ARHGEF28: variants seen among roughly 807,000 people sequenced by gnomAD.
The protein encoded by ARHGEF28 is 190 kDa guanine nucleotide exchange factor.
Under a neutral mutation model 206.6 loss-of-function variants are expected in ARHGEF28, and 152 were observed. The ratio of observed to expected loss-of-function variants is 0.74; its 90% CI spans 0.64 to 0.84. The LOEUF is 0.84. Ranked by LOEUF, ARHGEF28 falls within the 40% of genes least tolerant of loss-of-function variation. The pLI is 0.00. For synonymous variants in ARHGEF28, 763 were observed against 776.4 expected (o/e 0.98, Z 0.29); for missense variants, 2,028 against 2,073.2 (o/e 0.98, Z 0.42).
chr5:73,824,079 C>CT (rs1281323693), intron 9 of ARHGEF28, among the ~76,000 whole-genome samples: 1 of 152,208 alleles, frequency 6.6e-6, no homozygotes, highest in Non-Finnish European at 1.5e-5. Flanking sequence ...CTAATTCCTA[C>CT]TTTTTAATGT....
intron 22 of ARHGEF28, among the ~76,000 whole-genome samples, chr5:73,876,697 G>T (rs1760516351): frequency 6.6e-6 from 1 of 150,832 alleles, no homozygotes; most frequent in Non-Finnish European, 1.5e-5. Flanking sequence ...TTTTGTCTTT[G>T]GTTCTGTTTA....
intron 10 of ARHGEF28, among the ~76,000 whole-genome samples, chr5:73,839,500 C>T (rs924784779): frequency 2.0e-5 from 3 of 152,076 alleles, no homozygotes; most frequent in Non-Finnish European, 4.4e-5. Context: ...TTTTGATGAC[C>T]GCCACCTCAA....
intron 2 of ARHGEF28, among the ~76,000 whole-genome samples, chr5:73,701,280 G>A (rs920045540): frequency 6.6e-6 from 1 of 152,138 alleles, no homozygotes; most frequent in Non-Finnish European, 1.5e-5. Flanking sequence ...GATGGCAGGG[G>A]ATTAAATGTG....
At chr5:73,939,039 C>T (rs1742394417) in intron 35 of ARHGEF28, among the ~76,000 whole-genome samples, 1 of 148,532 alleles carries the variant, frequency 6.7e-6, no homozygotes, top group Non-Finnish European at 1.5e-5. Flanking sequence ...TCTCTTAATT[C>T]AGAAAAGATG....
chr5:73,936,224 G>A (rs574050226), intron 35 of ARHGEF28, among the ~76,000 whole-genome samples: 8 of 152,246 alleles, frequency 5.3e-5, no homozygotes, highest in East Asian at 3.9e-4. Context: ...TTTGCTGTTC[G>A]TAGGAGGGCA....
chr5:73,931,011 A>C (rs1764089440), intron 35 of ARHGEF28, among the ~76,000 whole-genome samples: 1 of 152,208 alleles, frequency 6.6e-6, no homozygotes, highest in Non-Finnish European at 1.5e-5. Context: ...ACATATCTCC[A>C]GGCCCTCCCT....
At chr5:73,899,573 G>A (rs1340749175) in intron 30 of ARHGEF28, 1 of 152,298 alleles carries the variant, frequency 6.6e-6, no homozygotes, top group Non-Finnish European at 1.5e-5. Flanking sequence ...TTCTGGGTCA[G>A]ACTGGAACAT....
At chr5:73,940,253 A>G (rs1742518312) in intron 35 of ARHGEF28, among the ~76,000 whole-genome samples, 1 of 152,244 alleles carries the variant, frequency 6.6e-6, no homozygotes, top group South Asian at 2.1e-4. Context: ...CATCAAACCC[A>G]GTCAGAGCTG....
chr5:73,924,577 A>G (rs1561199535), intron 35 of ARHGEF28, among the ~76,000 whole-genome samples: 1 of 152,220 alleles, frequency 6.6e-6, no homozygotes, highest in Non-Finnish European at 1.5e-5. Flanking sequence ...CATTCGAGCC[A>G]CTGGGCTGCT....
intron 2 of ARHGEF28, among the ~76,000 whole-genome samples, chr5:73,692,314 A>T (rs2112266441): frequency 6.6e-6 from 1 of 152,080 alleles, no homozygotes; most frequent in South Asian, 2.1e-4. Context: ...CACCCTTCTG[A>T]GGTGCTGTGC....
rs903025803 is a variant in ARHGEF28, at chr5:73,911,407, C to T, written c.4780C>T (p.Pro1594Ser). Residue 1594 changes from proline (P) to serine (S), a missense_variant, in exon 35 of 36, where the codon CCT (proline) becomes TCT (serine). Coordinates refer to ENST00000513042, the MANE Select transcript of ARHGEF28 (RefSeq NM_001177693.2). ...AGTTATCCATCAGGATGCCACTTAC[C>T]CTACAACTCAATCTCATTCTGACTT... is the stretch of plus-strand genomic sequence containing the variant. ...PSVIHQDATYPTTQSHSDLVR... is the reference protein window; with the variant it reads ...PSVIHQDATYSTTQSHSDLVR... 3 of 1,613,936 alleles carry T rather than the reference C, an allele frequency of 1.9e-6. No individual in the cohort carries two copies. Among genetic ancestry groups the T allele is most frequent in the Non-Finnish European group, 2.5e-6 (3 of 1,179,876 alleles).
intron 1 of ARHGEF28, among the ~76,000 whole-genome samples, chr5:73,650,565 G>A (rs1003176174): frequency 6.6e-6 from 1 of 151,940 alleles, no homozygotes; most frequent in Non-Finnish European, 1.5e-5. Context: ...TTACAGGTGT[G>A]AGCCACCGCG....
At chr5:73,772,662 G>C (rs1219076535) in intron 4 of ARHGEF28, among the ~76,000 whole-genome samples, 1 of 152,202 alleles carries the variant, frequency 6.6e-6, no homozygotes. Flanking sequence ...TAAGGCATTA[G>C]CCACCACGCC....
At chr5:73,683,737 G>A (rs1747258149) in intron 1 of ARHGEF28, among the ~76,000 whole-genome samples, 1 of 151,880 alleles carries the variant, frequency 6.6e-6, no homozygotes. Context: ...CTGGCCCTCT[G>A]TGTAAGGGAG....
At chr5:73,767,886 T>G (rs1752991365) in intron 4 of ARHGEF28, among the ~76,000 whole-genome samples, 1 of 151,998 alleles carries the variant, frequency 6.6e-6, no homozygotes, top group Admixed American at 6.5e-5. Context: ...TAGGAGGAAA[T>G]GGTTTCATGG....
At chr5:73,673,774 C>T (rs1021567964) in intron 1 of ARHGEF28, among the ~76,000 whole-genome samples, 1 of 152,114 alleles carries the variant, frequency 6.6e-6, no homozygotes, top group Non-Finnish European at 1.5e-5. Flanking sequence ...TATCAAATCT[C>T]TTAATCGTCA....
chr5:73,722,716 C>T (rs1308402448), intron 2 of ARHGEF28, among the ~76,000 whole-genome samples: 1 of 152,234 alleles, frequency 6.6e-6, no homozygotes, highest in East Asian at 1.9e-4. Flanking sequence ...AGATAGATAT[C>T]TATTTTATGA....
intron 2 of ARHGEF28, among the ~76,000 whole-genome samples, chr5:73,726,837 T>C (rs1258111358): frequency 6.6e-6 from 1 of 152,208 alleles, no homozygotes; most frequent in African/African-American, 2.4e-5. Context: ...CCTTCAGTGT[T>C]GAGTGGTCGT....
chr5:73,668,194 C>G (rs146978474), intron 1 of ARHGEF28, among the ~76,000 whole-genome samples: 33 of 152,328 alleles, frequency 2.2e-4, no homozygotes, highest in Non-Finnish European at 4.4e-4. Flanking sequence ...AGTTTCAAAG[C>G]TGCTTCATTT....
Sources: gnomAD v4.1 joint callset for allele counts (sites outside exome capture counted in the v4.1 genomes callset) on GRCh38, gnomAD v4.1.1 for gene constraint, MANE v1.5 for transcripts, NCBI Gene and HGNC (gene_info 2026-07-23, HGNC 2026-07-21) for gene names.